Variants in CNTNAP4 observed in about 807,000 individuals in gnomAD.
The protein encoded by CNTNAP4 is contactin-associated protein-like 4.
In CNTNAP4, 98 loss-of-function variants were observed where a neutral mutation model predicts 148.4. The ratio of observed to expected loss-of-function variants is 0.66; its 90% CI spans 0.56 to 0.78. The LOEUF is 0.78. CNTNAP4 is among the 30% of genes least tolerant of loss of function. CNTNAP4 has a pLI of 0.00. For synonymous variants in CNTNAP4, 730 were observed against 565.1 expected (o/e 1.29, Z -4.14); for missense variants, 1,935 against 1,565.6 (o/e 1.24, Z -3.98).
Position 76,452,495 on chromosome 16 carries a change from A to C in CNTNAP4, c.1072-13A>C. 6.2e-7 allele frequency: 1 copy of C among 1,613,224 alleles called. No individual in the cohort carries two copies. The highest frequency in any genetic ancestry group is 8.5e-7 in the Non-Finnish European group (1 of 1,179,566). On this transcript the variant is annotated splice_polypyrimidine_tract_variant and intron_variant, in intron 7 of 23. Transcript: ENST00000611870. ...TAACATTCTGAAAGCTTTTTCTTTT[A>C]CTTTATTCTCAGGGAAATGTGTCAT...
intron 1 of CNTNAP4, among the ~76,000 whole-genome samples, chr16:76,307,542 C>CTATATATATATATATA (rs1211676621): frequency 2.1e-5 from 1 of 47,242 alleles, no homozygotes. Flanking sequence ...ATATATATAC[C>CTATATATATATATATA]AAACTCCAGA....
intron 12 of CNTNAP4, among the ~76,000 whole-genome samples, chr16:76,485,801 GC>G (rs2082006367): frequency 6.6e-6 from 1 of 152,148 alleles, no homozygotes; most frequent in African/African-American, 2.4e-5. Flanking sequence ...CTTCTTAACA[GC>G]TATGAGGGTT....
intron 2 of CNTNAP4, among the ~76,000 whole-genome samples, chr16:76,337,954 A>G (rs551797332): frequency 7.9e-5 from 12 of 152,262 alleles, no homozygotes; most frequent in Admixed American, 3.9e-4. Context: ...CTGTTGTTCT[A>G]TTCTTTTTCA....
intron 15 of CNTNAP4, among the ~76,000 whole-genome samples, chr16:76,516,806 G>A (rs1415662528): frequency 6.6e-6 from 1 of 152,216 alleles, no homozygotes; most frequent in Non-Finnish European, 1.5e-5. Context: ...GCTCACGCCT[G>A]TAATCCCAGC....
At chr16:76,317,978 G>A (rs11864692) in intron 2 of CNTNAP4, among the ~76,000 whole-genome samples, 2 of 151,938 alleles carry the variant, frequency 1.3e-5, no homozygotes, top group African/African-American at 4.8e-5. Context: ...TAATGCTAGC[G>A]TTTTCTTTTT....
At chr16:76,345,856 C>G (rs1964859418) in intron 2 of CNTNAP4, among the ~76,000 whole-genome samples, 1 of 152,124 alleles carries the variant, frequency 6.6e-6, no homozygotes, top group Non-Finnish European at 1.5e-5. Flanking sequence ...AGCTTAAAGT[C>G]AGAAAGAAAC....
At chr16:76,550,966 C>T (rs1230247023) in intron 21 of CNTNAP4, among the ~76,000 whole-genome samples, 1 of 152,082 alleles carries the variant, frequency 6.6e-6, no homozygotes, top group Non-Finnish European at 1.5e-5. Context: ...ATACCAGATC[C>T]CTCACAACAG....
In CNTNAP4 at chr16:76,391,611, C is replaced by T. The variant is rs148387214; in HGVS notation, c.391-35841C>T. Among the ~76,000 whole-genome samples, 40 of 152,248 alleles carry T rather than the reference C, an allele frequency of 2.6e-4. No homozygotes were observed. In the East Asian group the frequency reaches 6.6e-3, roughly 25 times the overall value. ...CTCACTTAAGAGCTTGTGTAAAGTG[C>T]AGACTCCAAGATCCCACTTCGGATC... On this transcript the variant is annotated intron_variant, in intron 3 of 23. Transcript: ENST00000611870.
chr16:76,301,209 T>A (rs1403641892), intron 1 of CNTNAP4, among the ~76,000 whole-genome samples: 1 of 152,152 alleles, frequency 6.6e-6, no homozygotes, highest in Non-Finnish European at 1.5e-5. Flanking sequence ...ATGGGAATGA[T>A]CAATTTTTAA....
intron 7 of CNTNAP4, among the ~76,000 whole-genome samples, chr16:76,450,405 C>G (rs28758687): frequency 0.029 from 4,371 of 152,308 alleles, 153 homozygotes; most frequent in African/African-American, 0.093. Flanking sequence ...CTGCCTCAGC[C>G]TCCCAAAGTG....
intron 4 of CNTNAP4, among the ~76,000 whole-genome samples, chr16:76,442,883 G>A (rs1342658215): frequency 6.6e-6 from 1 of 152,048 alleles, no homozygotes; most frequent in African/African-American, 2.4e-5. Context: ...TAATATACTT[G>A]CTCAAGTTTG....
intron 3 of CNTNAP4, among the ~76,000 whole-genome samples, chr16:76,420,370 C>A (rs150256023): frequency 7.3e-6 from 1 of 137,678 alleles, no homozygotes; most frequent in Non-Finnish European, 1.6e-5. Context: ...AATGAATAGA[C>A]AATTTTAGGC....
intron 15 of CNTNAP4, 119 bp from the exon 16 acceptor site, chr16:76,521,021 A>T (rs2083431161): frequency 1.1e-6 from 1 of 906,336 alleles, no homozygotes; most frequent in Non-Finnish European, 1.7e-6. Context: ...GCAGATTTGT[A>T]TAAATAACAT....
chr16:76,338,526 A>G lies in CNTNAP4; in HGVS notation c.197-16792A>G, dbSNP rs573359328. Among the ~76,000 whole-genome samples the G allele has an allele frequency of 7.2e-5, 11 of 152,282 alleles. No individual in the cohort carries two copies. In the South Asian group the frequency reaches 1.7e-3, roughly 23 times the overall value. On this transcript the variant is annotated intron_variant, in intron 2 of 23. Coordinates refer to ENST00000611870, the MANE Select transcript of CNTNAP4 (RefSeq NM_033401.5). ...TTCCAGTGTCCCACCCTGGAACCCA[A>G]GTGAAATGTTTCTGCTTCCCTAACC...
chr16:76,427,746 C>A, intron 4 of CNTNAP4, 147 bp downstream of exon 4: 2 of 617,778 alleles, frequency 3.2e-6, no homozygotes, highest in African/African-American at 1.9e-5. Flanking sequence ...TTGTGCATGC[C>A]TGTACATGCC....
chr16:76,500,500 A>G (rs9925440), intron 15 of CNTNAP4, among the ~76,000 whole-genome samples: 3,178 of 152,304 alleles, frequency 0.021, 97 homozygotes, highest in African/African-American at 0.069. Context: ...ACAGTTATTA[A>G]TAATTCATGT....
intron 3 of CNTNAP4, among the ~76,000 whole-genome samples, chr16:76,368,024 T>A (rs1389293542): frequency 6.6e-6 from 1 of 152,158 alleles, no homozygotes; most frequent in Non-Finnish European, 1.5e-5. Flanking sequence ...ATTAGAATTT[T>A]AAAAATATTC....
intron 2 of CNTNAP4, among the ~76,000 whole-genome samples, chr16:76,344,631 C>T (rs1216865658): frequency 6.6e-6 from 1 of 152,166 alleles, no homozygotes; most frequent in Non-Finnish European, 1.5e-5. Flanking sequence ...ACAAAATACT[C>T]CATATTTTTC....
chr16:76,301,476 A>G (rs935467048), intron 1 of CNTNAP4, among the ~76,000 whole-genome samples: 2 of 152,210 alleles, frequency 1.3e-5, no homozygotes, highest in African/African-American at 2.4e-5. Context: ...GGTACATAAC[A>G]TCTAAGATAA....
Sources: allele counts gnomAD v4.1 joint callset (sites outside exome capture counted in the v4.1 genomes callset), GRCh38; gene constraint gnomAD v4.1.1; transcripts MANE v1.5; gene names NCBI Gene and HGNC (gene_info 2026-07-23, HGNC 2026-07-21).